Variants in RBFOX3 observed in about 807,000 individuals in gnomAD.
The protein encoded by RBFOX3 is RNA binding fox-1 homolog 3, also known as RNA binding protein fox-1 homolog 3.
In RBFOX3, 17 loss-of-function variants were observed where a neutral mutation model predicts 48.7. The ratio of observed to expected loss-of-function variants is 0.35; its 90% confidence interval spans 0.24 to 0.52. The LOEUF (loss-of-function observed/expected upper bound fraction) is 0.52. Among genes scored for constraint, RBFOX3 ranks in the 20% least tolerant of loss-of-function variants. The pLI, the probability that RBFOX3 is intolerant of heterozygous loss-of-function variation, is 0.94. For missense variants in RBFOX3, 382 were observed against 497.5 expected, an observed-to-expected ratio of 0.77 and a Z score of 2.21; for synonymous variants, 212 against 209.5, an observed-to-expected ratio of 1.01 and a Z score of -0.10.
chr17:79,446,390 G>A (rs1555738340), intron 2 of RBFOX3, among the ~76,000 whole-genome samples: 1 of 152,176 alleles, frequency 6.6e-6, no homozygotes, highest in African/African-American at 2.4e-5. Flanking sequence ...GAATGATTGT[G>A]GTCATGCCTG....
chr17:79,325,677 A>G (rs989675063), intron 2 of RBFOX3, among the ~76,000 whole-genome samples: 1 of 152,204 alleles, frequency 6.6e-6, no homozygotes, highest in Non-Finnish European at 1.5e-5. Context: ...CCAAAATGTA[A>G]GTACAGCTGC....
At chr17:79,279,305 A>G (rs1214068207) in intron 3 of RBFOX3, among the ~76,000 whole-genome samples, 1 of 152,146 alleles carries the variant, frequency 6.6e-6, no homozygotes, top group Non-Finnish European at 1.5e-5. Flanking sequence ...GGCACTCGAT[A>G]TTTATACTGA....
chr17:79,169,593 C>A (rs2048722569), intron 4 of RBFOX3, among the ~76,000 whole-genome samples: 1 of 152,236 alleles, frequency 6.6e-6, no homozygotes, highest in African/African-American at 2.4e-5. Context: ...CCTCGAGAAA[C>A]AGGAGGCGGC....
At chr17:79,327,723 T>C (rs2079550555) in intron 2 of RBFOX3, among the ~76,000 whole-genome samples, 1 of 152,076 alleles carries the variant, frequency 6.6e-6, no homozygotes, top group Non-Finnish European at 1.5e-5. Context: ...TGAGACGGAG[T>C]CTCCCTCTGT....
At chr17:79,290,041 T>A (rs1296021440) in intron 3 of RBFOX3, among the ~76,000 whole-genome samples, 4 of 152,064 alleles carry the variant, frequency 2.6e-5, no homozygotes. Context: ...AGAAGCAAGA[T>A]GCCCAGGGGG....
intron 2 of RBFOX3, among the ~76,000 whole-genome samples, chr17:79,398,780 G>A (rs1013603692): frequency 1.3e-5 from 2 of 152,220 alleles, no homozygotes; most frequent in Admixed American, 6.5e-5. Context: ...GGCCAGTCAC[G>A]AGTCTGACCA....
chr17:79,155,387 G>C lies in RBFOX3; in HGVS notation c.-33-39639C>G, dbSNP rs1313762767. Among the ~76,000 whole-genome samples the C allele has an allele frequency of 2.0e-5, 3 of 152,380 alleles. No homozygotes were observed. In the East Asian group the frequency reaches 5.8e-4, roughly 29 times the overall value. On this transcript the variant is annotated intron_variant, in intron 4 of 14. Coordinates refer to ENST00000693108, the MANE Select transcript of RBFOX3 (RefSeq NM_001350451.2). Reference sequence around the variant, plus strand: ...CTGGGCACTGCCCGCTCTCGGGCAGGAAGCCAGTGGGCAGGGAGGTCCGGG... The same window carrying C: ...CTGGGCACTGCCCGCTCTCGGGCAGCAAGCCAGTGGGCAGGGAGGTCCGGG...
intron 6 of RBFOX3, 133 bp downstream of exon 6, chr17:79,106,518 C>G: frequency 8.3e-7 from 1 of 1,199,604 alleles, no homozygotes; most frequent in Non-Finnish European, 1.1e-6. Flanking sequence ...CCTGGGGCCC[C>G]GGAGGCTCCC....
intron 2 of RBFOX3, among the ~76,000 whole-genome samples, chr17:79,394,364 G>A (rs1598500488): frequency 6.6e-6 from 1 of 152,186 alleles, no homozygotes; most frequent in Non-Finnish European, 1.5e-5. Context: ...GCCCAGCCAA[G>A]CCCCCATCTC....
At chr17:79,369,034 G>A (rs889651506) in intron 2 of RBFOX3, among the ~76,000 whole-genome samples, 4 of 152,134 alleles carry the variant, frequency 2.6e-5, no homozygotes, top group Admixed American at 2.6e-4. Flanking sequence ...ACCACACAAG[G>A]AGAGCGAGGA....
chr17:79,392,528 G>T lies in RBFOX3; in HGVS notation c.-174-84704C>A, dbSNP rs1449176207. Among the ~76,000 whole-genome samples, 1 of 152,134 alleles carries T rather than the reference G, an allele frequency of 6.6e-6. No individual in the cohort carries two copies. The highest frequency in any genetic ancestry group is 6.5e-5 in the Admixed American group (1 of 15,270). Reference sequence around the variant, plus strand: ...GGCTCCTGTTCCTGCTGGAGCCACGGGGAGCTGCCCTTCCCACCCACTTAA... The same window carrying T: ...GGCTCCTGTTCCTGCTGGAGCCACGTGGAGCTGCCCTTCCCACCCACTTAA... On this transcript the variant is annotated intron_variant, in intron 2 of 14. Coordinates refer to ENST00000693108, the MANE Select transcript of RBFOX3 (RefSeq NM_001350451.2). This position sits in a 1 kb window ranked among gnomAD's most constrained non-coding sequence, Gnocchi z 5.0.
Position 79,390,353 on chromosome 17 carries a change from T to C in RBFOX3, c.-174-82529A>G, listed in dbSNP as rs911110948. Among the ~76,000 whole-genome samples, 2 of 152,212 alleles carry C rather than the reference T, an allele frequency of 1.3e-5. No individual in the cohort carries two copies. The highest frequency in any genetic ancestry group is 2.9e-5 in the Non-Finnish European group (2 of 68,046). Reference sequence around the variant, plus strand: ...TTGGCTTTGCCACGCTGTGGTTTCATCACGACCATCACGGCCAGGTGACGG... The same window carrying C: ...TTGGCTTTGCCACGCTGTGGTTTCACCACGACCATCACGGCCAGGTGACGG... On this transcript the variant is annotated intron_variant, in intron 2 of 14. Transcript: ENST00000693108. This position sits in a 1 kb window ranked among gnomAD's most constrained non-coding sequence, Gnocchi z 4.2.
At chr17:79,179,080 C>T (rs2051264579) in intron 4 of RBFOX3, among the ~76,000 whole-genome samples, 1 of 152,144 alleles carries the variant, frequency 6.6e-6, no homozygotes, top group Non-Finnish European at 1.5e-5. Context: ...CATCAACAGC[C>T]CAGGGAACAG....
At chr17:79,531,470 C>T (rs1417561128) in intron 1 of RBFOX3, among the ~76,000 whole-genome samples, 9 of 152,334 alleles carry the variant, frequency 5.9e-5, no homozygotes, top group South Asian at 4.1e-4. Context: ...AAATTTAGAA[C>T]GCGTGATGGC....
the RBFOX3 span, among the ~76,000 whole-genome samples, chr17:79,619,118 G>A: frequency 2.0e-5 from 3 of 152,310 alleles, no homozygotes; most frequent in East Asian, 3.9e-4. Context: ...ACGTGGCATC[G>A]TGAAAAATAG....
At chr17:79,545,286 G>T (rs561684285) in intron 1 of RBFOX3, among the ~76,000 whole-genome samples, 1 of 152,202 alleles carries the variant, frequency 6.6e-6, no homozygotes, top group South Asian at 2.1e-4. Context: ...TGCTAGAGGA[G>T]CACGTCTACC....
chr17:79,410,448 G>A (rs1598572677), intron 2 of RBFOX3, among the ~76,000 whole-genome samples: 1 of 152,278 alleles, frequency 6.6e-6, no homozygotes, highest in South Asian at 2.1e-4. Flanking sequence ...GCGGCAGGGG[G>A]GCGGTCATTA....
chr17:79,553,907 T>A (rs2091379455), intron 1 of RBFOX3, among the ~76,000 whole-genome samples: 1 of 152,128 alleles, frequency 6.6e-6, no homozygotes, highest in Non-Finnish European at 1.5e-5. Context: ...CTAATTTTTG[T>A]ATTTTTAGTA....
chr17:79,558,838 C>T, intron 1 of RBFOX3, among the ~76,000 whole-genome samples: 1 of 152,076 alleles, frequency 6.6e-6, no homozygotes, highest in Non-Finnish European at 1.5e-5. Flanking sequence ...GGGGGGTGTG[C>T]CAGGGGATGC....
Sources: gnomAD v4.1 joint callset for allele counts (sites outside exome capture counted in the v4.1 genomes callset) on GRCh38, gnomAD v4.1.1 for gene constraint, Gnocchi (gnomAD v3.1) non-coding constraint, MANE v1.5 for transcripts, NCBI Gene and HGNC (gene_info 2026-07-23, HGNC 2026-07-21) for gene names.